The following RABL6 variants were observed in gnomAD, a reference collection of about 807,000 sequenced individuals.
RABL6 encodes rab-like protein 6.
RABL6 carries 28 observed loss-of-function variants against 72.9 expected under a neutral mutation model. That is an observed-to-expected ratio of 0.38 (90% confidence interval 0.28 to 0.53). The LOEUF (loss-of-function observed/expected upper bound fraction) is 0.53. Among genes scored for constraint, RABL6 ranks in the 20% least tolerant of loss-of-function variants. The probability of loss-of-function intolerance (pLI) is 0.80; values close to 1 mark genes in which losing one functional copy is unlikely to be tolerated. For synonymous variants in RABL6, 477 were observed against 421.2 expected (o/e 1.13, Z -1.62); for missense variants, 1,029 against 1,008.4 (o/e 1.02, Z -0.28).
In RABL6 at chr9:136,837,856, TCA is replaced by T. The variant is rs1564372274; in HGVS notation, c.1127-3_1127-2del. 1 of 1,548,546 alleles carries T rather than the reference TCA, an allele frequency of 6.5e-7. No homozygotes were observed. Among genetic ancestry groups the T allele is most frequent in the Admixed American group, 2.0e-5 (1 of 50,998 alleles). ...AGTGAAGAGGACCCGGCATCACTGT[TCA>T]CAGAGCCAGTCCCGGCCGCAGAGGG... On this transcript the variant is annotated splice_polypyrimidine_tract_variant and splice_region_variant and intron_variant, in intron 9 of 14. Transcript: ENST00000311502.
At position 136,836,779 on chromosome 9, in the gene RABL6, C is replaced by A. The variant is rs536254945; in HGVS notation, c.810-567C>A. On this transcript the variant is annotated intron_variant, in intron 8 of 14. Coordinates refer to ENST00000311502, the MANE Select transcript of RABL6 (RefSeq NM_024718.5). Reference sequence around the variant, plus strand: ...GCCATCTGGCCACCTCTGCATGGAGCCCCCAACAGCTGTGCCTCAGAACAG... The same window carrying A: ...GCCATCTGGCCACCTCTGCATGGAGACCCCAACAGCTGTGCCTCAGAACAG... 5 of 183,266 alleles carry A rather than the reference C, an allele frequency of 2.7e-5. No homozygotes were observed. The East Asian group carries it at 7.6e-4, about 28-fold the overall frequency. The allele number at this position is 183,266 out of a possible 1,614,324, so 11.4% of individuals were successfully genotyped here. A position where few individuals can be genotyped will look rare whatever the true frequency, so the allele number is the denominator to read the frequency against.
chr9:136,817,944 C>A (rs1007589366), intron 1 of RABL6, among the ~76,000 whole-genome samples: 2 of 151,800 alleles, frequency 1.3e-5, no homozygotes, highest in African/African-American at 4.8e-5. Flanking sequence ...CGCCTGTAAT[C>A]CCAGCTACTC....
At position 136,835,784 on chromosome 9, in the gene RABL6, A is replaced by G. The variant is rs749731529; in HGVS notation, c.748A>G (p.Met250Val). Residue 250 changes from methionine to valine, a missense_variant, in exon 8 of 15, where the codon ATG becomes GTG. By Grantham distance (21) the Met-to-Val change is conservative. Around this residue, in one of 2 missense-constraint regions of RABL6, gnomAD observed 434 missense variants for 536.1 expected, o/e 0.81. Coordinates refer to ENST00000311502, the MANE Select transcript of RABL6 (RefSeq NM_024718.5). ...GCAGCTGGAGACGAACCAGCTGGAC[A>G]TGGACGCCACGCTGGAGGAGCTGTC... ...LRQLETNQLD[M>V]DATLEELSVQ... The G allele has an allele frequency of 1.7e-5, 26 of 1,553,146 alleles. No homozygotes were observed. The South Asian group carries it at 2.3e-4, about 13-fold the overall frequency.
At chr9:136,819,339 A>G (rs1055121632) in intron 1 of RABL6, among the ~76,000 whole-genome samples, 136 of 151,412 alleles carry the variant, frequency 9.0e-4, no homozygotes, top group Non-Finnish European at 1.6e-3. Context: ...AAAAAAAAAA[A>G]AAAAGAAAAC....
intron 1 of RABL6, 59 bp downstream of exon 1, chr9:136,808,385 C>G (rs1374198250): frequency 2.2e-6 from 3 of 1,391,936 alleles, no homozygotes; most frequent in Admixed American, 7.3e-5. Flanking sequence ...AACCCAGGCC[C>G]CGGGCGCCGC....
chr9:136,833,755 T>C (rs1196263306), intron 7 of RABL6: 4 of 1,550,380 alleles, frequency 2.6e-6, no homozygotes, highest in Admixed American at 3.9e-5. Flanking sequence ...GGGGCTGTGC[T>C]GTCGTCCTGG....
In RABL6 at chr9:136,840,959, G is replaced by A. The variant is rs1254100455; in HGVS notation, c.*437G>A. ...ATGCCTATGGTTCCGCTTCCGGCCG[G>A]GAGCCCTGAACACGGGTGTGCAGAC... On this transcript the variant is annotated 3_prime_UTR_variant, in exon 15 of 15. Coordinates refer to ENST00000311502, the MANE Select transcript of RABL6 (RefSeq NM_024718.5). The A allele has an allele frequency of 1.4e-6, 2 of 1,458,040 alleles. No individual in the cohort carries two copies. The highest frequency in any genetic ancestry group is 5.3e-5 in the Admixed American group (2 of 38,074). The allele number at this position is 1,458,040 out of a possible 1,614,324, so 90.3% of individuals were successfully genotyped here. A position where few individuals can be genotyped will look rare whatever the true frequency, so the allele number is the denominator to read the frequency against.
chr9:136,835,875 G>A (rs755429193), intron 8 of RABL6, 30 bp downstream of exon 8: 2 of 1,542,890 alleles, frequency 1.3e-6, no homozygotes, highest in Non-Finnish European at 1.8e-6. Context: ...CGTGCGGGCG[G>A]TGTGGGGGCT....
intron 1 of RABL6, chr9:136,821,921 C>T: frequency 1.6e-6 from 2 of 1,285,728 alleles, no homozygotes; most frequent in East Asian, 5.7e-5. Context: ...CGCCTGGGTC[C>T]CCTCTGGAGG....
chr9:136,810,072 A>C (rs1333035195), intron 1 of RABL6: 1 of 152,276 alleles, frequency 6.6e-6, no homozygotes, highest in Non-Finnish European at 1.5e-5. Context: ...CATAGCTGGC[A>C]TTCGGAGAAG....
intron 5 of RABL6, among the ~76,000 whole-genome samples, chr9:136,830,156 G>A (rs555789469): frequency 1.3e-5 from 2 of 152,240 alleles, no homozygotes; most frequent in East Asian, 1.9e-4. Context: ...CAGCATGCCC[G>A]ACACGTCCAG....
At position 136,835,841 on chromosome 9, in the gene RABL6, G is replaced by C. The variant is rs775408076; in HGVS notation, c.805G>C (p.Gly269Arg). The C allele has an allele frequency of 1.3e-6, 2 of 1,553,198 alleles. No homozygotes were observed. Among genetic ancestry groups the C allele is most frequent in the Non-Finnish European group, 1.7e-6 (2 of 1,149,566 alleles). Reference sequence around the variant, plus strand: ...GCAGGAGACGGAGGACCAGAACTACGGCATGTATGTGGCCGGACCCGCCCG... The same window carrying C: ...GCAGGAGACGGAGGACCAGAACTACCGCATGTATGTGGCCGGACCCGCCCG... ...VQQETEDQNY[G>R]IFLEMMEARS... The change falls in exon 8 of 15, where the codon GGC (glycine) becomes CGC (arginine). Residue 269 changes from glycine to arginine, a missense_variant. By Grantham distance (125) the Gly-to-Arg change is moderately radical (BLOSUM62 -2). Coordinates refer to ENST00000311502, the MANE Select transcript of RABL6 (RefSeq NM_024718.5).
chr9:136,811,570 A>G (rs1848012288), intron 1 of RABL6, among the ~76,000 whole-genome samples: 1 of 150,178 alleles, frequency 6.7e-6, no homozygotes, highest in Non-Finnish European at 1.5e-5. Context: ...GTGAGCTGAG[A>G]TTGTGCCACT....
intron 1 of RABL6, among the ~76,000 whole-genome samples, chr9:136,818,295 G>A (rs1221030202): frequency 1.4e-5 from 2 of 139,530 alleles, no homozygotes; most frequent in Non-Finnish European, 3.0e-5. Flanking sequence ...CCCAGGAGAC[G>A]GAGCTTGCAG....
chr9:136,829,029 T>G lies in RABL6; in HGVS notation c.367-364T>G, dbSNP rs138049458. On this transcript the variant is annotated intron_variant, in intron 4 of 14. Coordinates refer to ENST00000311502, the MANE Select transcript of RABL6 (RefSeq NM_024718.5). The stretch of plus-strand genomic sequence containing the variant: ...CCACAGCACTGCAGCTAACCCTGTT[T>G]GTGGGCACTGGAACCTTCCGGAACG... Among the ~76,000 whole-genome samples, 492 of 152,304 alleles carry G rather than the reference T, an allele frequency of 3.2e-3. 4 individuals are homozygous for G. Among genetic ancestry groups the G allele is most frequent in the African/African-American group, 0.011 (470 of 41,570 alleles).
intron 1 of RABL6, among the ~76,000 whole-genome samples, chr9:136,811,661 T>C (rs984504515): frequency 3.3e-5 from 5 of 151,768 alleles, no homozygotes; most frequent in Middle Eastern, 3.2e-3. Flanking sequence ...CCCAGCTAAT[T>C]TTGGTATTTT....
chr9:136,820,838 T>C (rs1314880505), intron 1 of RABL6, among the ~76,000 whole-genome samples: 1 of 152,056 alleles, frequency 6.6e-6, no homozygotes, highest in African/African-American at 2.4e-5. Flanking sequence ...GAGAAAAATA[T>C]CAATGGAAAT....
chr9:136,840,653 C>G lies in RABL6; in HGVS notation c.*131C>G, dbSNP rs1412589518. ...TGTGCGCTTCTGAGCTGGAAGAGGC[C>G]GGGCATTGGTGGTCCCCAGGCTGGG... is the stretch of plus-strand genomic sequence containing the variant. On this transcript the variant is annotated 3_prime_UTR_variant, in exon 15 of 15. Transcript: ENST00000311502. The G allele has an allele frequency of 9.0e-6, 14 of 1,549,588 alleles. 1 individual carries two copies. In the South Asian group the frequency reaches 1.7e-4, roughly 18 times the overall value.
Position 136,831,983 on chromosome 9 carries a change from T to TCGCC in RABL6, c.599+123_599+126dup, listed in dbSNP as rs1004351459. 9.3e-5 allele frequency: 128 copies of TCGCC among 1,375,084 alleles called. No homozygotes were observed. The Admixed American group carries it at 3.2e-3, about 35-fold the overall frequency. 85.2% of individuals were successfully genotyped at this position (1,375,084 alleles called of 1,614,324 possible). A position where few individuals can be genotyped will look rare whatever the true frequency, so the allele number is the denominator to read the frequency against. ...GCATGGGGCCCGGCGGATGTGGGTC[T>TCGCC]CGCCGCTGAGTGGGGCTCACTGAAG... On this transcript the variant is annotated intron_variant, in intron 6 of 14. Coordinates refer to ENST00000311502, the MANE Select transcript of RABL6 (RefSeq NM_024718.5).
Sources: gnomAD v4.1 joint callset for allele counts (sites outside exome capture counted in the v4.1 genomes callset) on GRCh38, gnomAD v4.1.1 for gene constraint, gnomAD v4.1.1 regional missense constraint, MANE v1.5 for transcripts, NCBI Gene and HGNC (gene_info 2026-07-23, HGNC 2026-07-21) for gene names.